DCLRE1B: variants seen among roughly 807,000 people sequenced by gnomAD.
DCLRE1B encodes DNA cross-link repair 1B, also known as 5' exonuclease Apollo.
In DCLRE1B, 6 loss-of-function variants were observed where a neutral mutation model predicts 19.8. The observed-to-expected ratio is 0.30, with a 90% confidence interval of 0.17 to 0.60. The LOEUF (loss-of-function observed/expected upper bound fraction) is 0.60, where lower values mean the gene tolerates loss of function less well. DCLRE1B is among the 20% of genes least tolerant of loss of function. The pLI is 0.87. For missense variants in DCLRE1B, 622 were observed against 654.2 expected, an observed-to-expected ratio of 0.95 and a Z score of 0.54; for synonymous variants, 258 against 255.7, an observed-to-expected ratio of 1.01 and a Z score of -0.09.
chr1:113,909,143 G>A (rs997867698), intron 3 of DCLRE1B, among the ~76,000 whole-genome samples: 4 of 152,030 alleles, frequency 2.6e-5, no homozygotes, highest in African/African-American at 7.3e-5. Flanking sequence ...TTTTATTATG[G>A]GTGTATCACA....
At chr1:113,904,937 C>T (rs28364563), upstream of DCLRE1B, 1,209 of 533,082 alleles carry the variant, frequency 2.3e-3, 21 homozygotes, top group East Asian at 0.036. Flanking sequence ...CTCTTCAGGC[C>T]CTACCGTCGG....
chr1:113,908,952 G>A (rs1055539194), intron 3 of DCLRE1B, among the ~76,000 whole-genome samples: 3 of 152,210 alleles, frequency 2.0e-5, no homozygotes, highest in Admixed American at 2.0e-4. Context: ...GGGCTGAAGT[G>A]CTGTTAAGCC....
Position 113,911,726 on chromosome 1 carries a change from T to G in DCLRE1B, c.1134T>G (p.Leu378=). The G allele has an allele frequency of 1.9e-6, 3 of 1,614,112 alleles. No individual in the cohort carries two copies. Among genetic ancestry groups the G allele is most frequent in the Non-Finnish European group, 2.5e-6 (3 of 1,180,012 alleles). ...CAAAGAAGGCCAAGAAAGAGAAACT[T>G]TCTCCCTGGCCTGCGGACCTTGAAA... The part of the protein sequence containing the change: ...RDSKKAKKEK[L]SPWPADLEKQ... Residue 378 remains leucine (L), a synonymous_variant, in exon 4 of 4, where the codon CTT becomes CTG. Coordinates refer to ENST00000650450, the MANE Select transcript of DCLRE1B (RefSeq NM_022836.4).
In DCLRE1B at chr1:113,913,170, C is replaced by G. The variant is rs1051423113; in HGVS notation, c.*979C>G. ...GCGGGAAGGGGTGGGGGTGTGCAGT[C>G]TGCCCTGTCCTTCTGCTCATAACCT... On this transcript the variant is annotated 3_prime_UTR_variant, in exon 4 of 4. Coordinates refer to ENST00000650450, the MANE Select transcript of DCLRE1B (RefSeq NM_022836.4). 1.3e-5 allele frequency: 2 copies of G among 152,906 alleles called. No homozygotes were observed. Among genetic ancestry groups the G allele is most frequent in the Non-Finnish European group, 2.9e-5 (2 of 68,186 alleles). 9.5% of individuals were successfully genotyped at this position (152,906 alleles called of 1,614,324 possible).
upstream of DCLRE1B, chr1:113,904,935 G>T (rs1030268176): frequency 9.3e-6 from 5 of 535,288 alleles, no homozygotes; most frequent in Non-Finnish European, 1.7e-5. Context: ...GGCTCTTCAG[G>T]CCCTACCGTC....
Position 113,911,944 on chromosome 1 carries a change from T to C in DCLRE1B, c.1352T>C (p.Ile451Thr). Residue 451 changes from isoleucine (I) to threonine (T), a missense_variant, in exon 4 of 4, where the codon ATT (isoleucine) becomes ACT (threonine). Physicochemically the swap from Ile to Thr is moderately conservative, Grantham distance 89. Transcript: ENST00000650450. ...ATTTCTCAAAAAACCAGGGAGGAAA[T>C]TGGTTTAGGGTCCCCCTTGGTACCC... is the stretch of plus-strand genomic sequence containing the variant. ...EFISQKTREE[I>T]GLGSPLVPMG... The C allele has an allele frequency of 1.2e-6, 2 of 1,613,846 alleles. No individual in the cohort carries two copies. The highest frequency in any genetic ancestry group is 2.7e-5 in the African/African-American group (2 of 74,906).
rs1668887309 is a variant in DCLRE1B at position 113,905,704 on chromosome 1, C to T, written c.118C>T (p.Leu40=). The change falls in exon 1 of 4, where the codon CTG becomes TTG. Residue 40 remains leucine (L), a synonymous_variant. Transcript: ENST00000650450. ...CATGCACTCGGACCACACCGTGGGC[C>T]TGTCTAGCACCTGGGCCCGGCCCCT... ...SHMHSDHTVG[L]SSTWARPLYC... 5 of 1,614,212 alleles carry T rather than the reference C, an allele frequency of 3.1e-6. No homozygotes were observed. The highest frequency in any genetic ancestry group is 2.2e-5 in the East Asian group (1 of 44,882).
At chr1:113,905,251 G>A, upstream of DCLRE1B, 1 of 359,394 alleles carries the variant, frequency 2.8e-6, no homozygotes, top group Non-Finnish European at 5.2e-6. Context: ...GCGCAGCTGC[G>A]CGGCTCCCTC....
Position 113,908,059 on chromosome 1 carries a change from G to A in DCLRE1B, c.406G>A (p.Gly136Arg). The A allele has an allele frequency of 6.2e-7, 1 of 1,614,122 alleles. No individual in the cohort carries two copies. The highest frequency in any genetic ancestry group is 8.5e-7 in the Non-Finnish European group (1 of 1,180,010). Reference protein sequence around the residue: ...SMLKEPALTLGKQIHTLYLDN... With the variant: ...SMLKEPALTLRKQIHTLYLDN... ...GCTAAAGGAGCCAGCCCTGACACTG[G>A]GGAAACAGATCCATACTTTATACCT... The change falls in exon 3 of 4, where the codon GGG becomes AGG. Residue 136 changes from glycine to arginine, a missense_variant. This residue lies in a region of DCLRE1B where 237 missense variants were observed against 223.8 expected (regional missense o/e 1.06). Transcript: ENST00000650450.
At chr1:113,908,810 C>T (rs982823208) in intron 3 of DCLRE1B, among the ~76,000 whole-genome samples, 88 of 152,248 alleles carry the variant, frequency 5.8e-4, no homozygotes, top group African/African-American at 2.0e-3. Context: ...CGTGCACACA[C>T]ACACACACAC....
At chr1:113,908,637 G>C (rs1255177529) in intron 3 of DCLRE1B, among the ~76,000 whole-genome samples, 1 of 152,096 alleles carries the variant, frequency 6.6e-6, no homozygotes, top group Admixed American at 6.6e-5. Flanking sequence ...AATGAAATAA[G>C]TAAAACTGCA....
In DCLRE1B at chr1:113,907,083, A is replaced by G. The variant is rs201736535; in HGVS notation, c.277A>G (p.Thr93Ala). 6.2e-7 allele frequency: 1 copy of G among 1,613,480 alleles called. No homozygotes were observed. Among genetic ancestry groups the G allele is most frequent in the African/African-American group, 1.3e-5 (1 of 74,686 alleles). The change falls in exon 2 of 4, where the codon ACC becomes GCC. Residue 93 changes from threonine (T) to alanine (A), a missense_variant. Thr to Ala is a moderately conservative substitution (Grantham distance 58). Coordinates refer to ENST00000650450, the MANE Select transcript of DCLRE1B (RefSeq NM_022836.4). Reference sequence around the variant, plus strand: ...AATTGGACAAGAGACCATGACCGTAACCCTCCTCGATGCCAATCACTGTCC... The same window carrying G: ...AATTGGACAAGAGACCATGACCGTAGCCCTCCTCGATGCCAATCACTGTCC... ...DEIGQETMTV[T>A]LLDANHCPGS... is the part of the protein sequence containing the mutation.
rs778275609 is a variant in DCLRE1B, at chr1:113,905,569, G to T, written c.-18G>T. 1.2e-6 allele frequency: 2 copies of T among 1,611,562 alleles called. No individual in the cohort carries two copies. The highest frequency in any genetic ancestry group is 1.7e-6 in the Non-Finnish European group (2 of 1,179,092). On this transcript the variant is annotated 5_prime_UTR_variant, in exon 1 of 4. It removes the in-frame stop codon of an upstream open reading frame in the 5' UTR. Coordinates refer to ENST00000650450, the MANE Select transcript of DCLRE1B (RefSeq NM_022836.4). ...CCCCCGTGGAGAAGATCCCACTGGT[G>T]ACTCCAACCCTACCACCATGAATGG...
At chr1:113,908,853 T>C (rs1259956676) in intron 3 of DCLRE1B, among the ~76,000 whole-genome samples, 1 of 151,704 alleles carries the variant, frequency 6.6e-6, no homozygotes, top group African/African-American at 2.4e-5. Flanking sequence ...TCACTGGAAA[T>C]GGGAAGAGAC....
At chr1:113,908,490 C>T (rs989747910) in intron 3 of DCLRE1B, among the ~76,000 whole-genome samples, 2 of 152,146 alleles carry the variant, frequency 1.3e-5, no homozygotes, top group Non-Finnish European at 2.9e-5. Context: ...TGCCTGTGGT[C>T]CCAGCTACAC....
At chr1:113,904,775 C>A, upstream of DCLRE1B, 2 of 1,424,160 alleles carry the variant, frequency 1.4e-6, no homozygotes, top group Non-Finnish European at 2.0e-6. Flanking sequence ...AGGGCTCCTT[C>A]TCGTCCTGAT....
Position 113,911,974 on chromosome 1 carries a change from G to A in DCLRE1B, c.1382G>A (p.Gly461Glu), listed in dbSNP as rs1458747032. 1 of 1,614,098 alleles carries A rather than the reference G, an allele frequency of 6.2e-7. No homozygotes were observed. The highest frequency in any genetic ancestry group is 8.5e-7 in the Non-Finnish European group (1 of 1,180,044). ...TTAGGGTCCCCCTTGGTACCCATGG[G>A]AGATGATGATGGAGGTCCAGAAGCC... ...IGLGSPLVPM[G>E]DDDGGPEATG... The change falls in exon 4 of 4, where the codon GGA becomes GAA. Residue 461 changes from glycine to glutamate, a missense_variant. Physicochemically the swap from Gly to Glu is moderately conservative, Grantham distance 98. Around this residue, in one of 3 missense-constraint regions of DCLRE1B, gnomAD observed 382 missense variants for 412.5 expected, o/e 0.93. Transcript: ENST00000650450.
At chr1:113,910,431 C>T (rs1669211316) in intron 3 of DCLRE1B, among the ~76,000 whole-genome samples, 1 of 152,156 alleles carries the variant, frequency 6.6e-6, no homozygotes, top group African/African-American at 2.4e-5. Flanking sequence ...CCAGGTTAAC[C>T]TTGCCCATCC....
chr1:113,913,979 T>C lies in DCLRE1B; in HGVS notation c.*1788T>C, dbSNP rs1478347893. The C allele has an allele frequency of 6.6e-6, 1 of 152,250 alleles. No individual in the cohort carries two copies. Among genetic ancestry groups the C allele is most frequent in the Non-Finnish European group, 1.5e-5 (1 of 68,036 alleles). The allele number at this position is 152,250 out of a possible 1,614,324, so 9.4% of individuals were successfully genotyped here. ...TCAAAAATGCCATTTTTAATATTTG[T>C]ATAATACCCTATCATGTGAGTATAC... On this transcript the variant is annotated 3_prime_UTR_variant, in exon 4 of 4. Coordinates refer to ENST00000650450, the MANE Select transcript of DCLRE1B (RefSeq NM_022836.4).
Sources: gnomAD v4.1 joint callset for allele counts (sites outside exome capture counted in the v4.1 genomes callset) on GRCh38, gnomAD v4.1.1 for gene constraint, gnomAD v4.1.1 regional missense constraint, MANE v1.5 for transcripts, NCBI Gene and HGNC (gene_info 2026-07-23, HGNC 2026-07-21) for gene names.